The following LHFPL7 variants were observed in gnomAD, a reference collection of about 807,000 sequenced individuals.
LHFPL7 encodes the protein LHFPL tetraspan subfamily member 7, also known as LHFPL tetraspan subfamily member 7 protein.
At chr22:24,939,308 C>T in the LHFPL7 span, 2 of 702,494 alleles carry the variant, frequency 2.8e-6, no homozygotes, top group Non-Finnish European at 5.2e-6. Flanking sequence ...CCCTGAAGAC[C>T]CAGTGACTTG....
the LHFPL7 span, among the ~76,000 whole-genome samples, chr22:24,941,382 T>C: frequency 2.6e-5 from 4 of 152,174 alleles, no homozygotes; most frequent in African/African-American, 9.6e-5. Flanking sequence ...TTGGCCAGGC[T>C]AGCATTACGT....
At chr22:24,936,326 A>G in the LHFPL7 span, among the ~76,000 whole-genome samples, 4,069 of 151,816 alleles carry the variant, frequency 0.027, 148 homozygotes, top group African/African-American at 0.084. Context: ...CCATTCTATC[A>G]ATTTTTCCTA....
chr22:24,938,532 TC>T, the LHFPL7 span, among the ~76,000 whole-genome samples: 1 of 152,172 alleles, frequency 6.6e-6, no homozygotes, highest in Non-Finnish European at 1.5e-5. Flanking sequence ...CCAATAAAAG[TC>T]CAAGAAACTG....
the LHFPL7 span, among the ~76,000 whole-genome samples, chr22:24,942,875 A>G: frequency 6.8e-6 from 1 of 146,078 alleles, no homozygotes; most frequent in South Asian, 2.2e-4. Flanking sequence ...GGTTGTTGTG[A>G]AGCTTCAAGG....
chr22:24,939,244 G>T, the LHFPL7 span: 42 of 694,340 alleles, frequency 6.0e-5, no homozygotes, highest in South Asian at 6.2e-4. Context: ...AGTGAGGAAA[G>T]CCTCCTCGAA....
the LHFPL7 span, among the ~76,000 whole-genome samples, chr22:24,935,750 A>G: frequency 6.6e-6 from 1 of 151,466 alleles, no homozygotes; most frequent in Admixed American, 6.6e-5. Flanking sequence ...CCTTTTGTCT[A>G]CCCACTCATT....
chr22:24,942,737 A>C, the LHFPL7 span, among the ~76,000 whole-genome samples: 1 of 152,188 alleles, frequency 6.6e-6, no homozygotes, highest in African/African-American at 2.4e-5. Context: ...GACTAGGGGC[A>C]GACAGTGTTG....
the LHFPL7 span, among the ~76,000 whole-genome samples, chr22:24,945,363 C>T: frequency 6.6e-6 from 1 of 152,086 alleles, no homozygotes; most frequent in African/African-American, 2.4e-5. Flanking sequence ...ACTCGTCAGT[C>T]AGACAAGAGA....
chr22:24,941,234 T>C, the LHFPL7 span, among the ~76,000 whole-genome samples: 5 of 151,920 alleles, frequency 3.3e-5, no homozygotes, highest in Non-Finnish European at 5.9e-5. Flanking sequence ...AGTGGTGCCA[T>C]GTCGGCTCAT....
chr22:24,946,138 T>C, the LHFPL7 span, among the ~76,000 whole-genome samples: 1 of 152,000 alleles, frequency 6.6e-6, no homozygotes, highest in Non-Finnish European at 1.5e-5. Context: ...GGCAAAACCC[T>C]GTCTCTACTA....
the LHFPL7 span, among the ~76,000 whole-genome samples, chr22:24,941,602 GTTTTTTT>G: frequency 1.0e-5 from 1 of 96,570 alleles, no homozygotes; most frequent in African/African-American, 3.6e-5. Flanking sequence ...GCGTATATTT[GTTTTTTT>G]TTTTTTTTTT....
the LHFPL7 span, chr22:24,938,028 A>C: frequency 7.1e-7 from 1 of 1,416,568 alleles, no homozygotes; most frequent in Admixed American, 2.3e-5. Flanking sequence ...CCTAGGGTTT[A>C]TCTCTGAGGT....
chr22:24,940,246 G>T, the LHFPL7 span, among the ~76,000 whole-genome samples: 1 of 148,462 alleles, frequency 6.7e-6, no homozygotes, highest in Admixed American at 6.7e-5. Flanking sequence ...TTCTTCCATG[G>T]AGCCTCCTCT....
At chr22:24,935,622 T>C in the LHFPL7 span, 3 of 1,596,470 alleles carry the variant, frequency 1.9e-6, no homozygotes, top group Non-Finnish European at 8.5e-7. Flanking sequence ...GGAAAGACAA[T>C]GTGTTGGCCA....
At chr22:24,937,034 G>T in the LHFPL7 span, among the ~76,000 whole-genome samples, 1 of 152,158 alleles carries the variant, frequency 6.6e-6, no homozygotes, top group Non-Finnish European at 1.5e-5. Flanking sequence ...CTGTGCTAGG[G>T]GCTGGTGATA....
the LHFPL7 span, among the ~76,000 whole-genome samples, chr22:24,942,020 G>T: frequency 7.0e-6 from 1 of 142,486 alleles, no homozygotes; most frequent in Non-Finnish European, 1.5e-5. Flanking sequence ...TATTGAGATG[G>T]AGTCTCACTC....
At chr22:24,945,384 T>G in the LHFPL7 span, among the ~76,000 whole-genome samples, 1 of 152,088 alleles carries the variant, frequency 6.6e-6, no homozygotes, top group African/African-American at 2.4e-5. Flanking sequence ...CAAAGGTGGA[T>G]GTGGATGGAC....
chr22:24,946,307 C>CA, the LHFPL7 span, among the ~76,000 whole-genome samples: 1 of 151,770 alleles, frequency 6.6e-6, no homozygotes, highest in South Asian at 2.1e-4. Context: ...AAGACTGTCT[C>CA]AAAAAAAGAA....
At chr22:24,939,224 A>T in the LHFPL7 span, 2 of 684,380 alleles carry the variant, frequency 2.9e-6, no homozygotes, top group Non-Finnish European at 5.3e-6. Flanking sequence ...AGCCACTGGG[A>T]CACTCAGGCA....
Sources: allele counts gnomAD v4.1 joint callset (sites outside exome capture counted in the v4.1 genomes callset), GRCh38; gene constraint gnomAD v4.1.1; transcripts MANE v1.5; gene names NCBI Gene and HGNC (gene_info 2026-07-23, HGNC 2026-07-21).